CSMD3: variants seen among roughly 807,000 people sequenced by gnomAD.
The protein encoded by CSMD3 is CUB and sushi domain-containing protein 3.
Under a neutral mutation model 435.2 loss-of-function variants are expected in CSMD3, and 177 were observed. The observed-to-expected ratio is 0.41, with a 90% CI of 0.36 to 0.46. CSMD3 has a LOEUF of 0.46. Among genes scored for constraint, CSMD3 ranks in the 20% least tolerant of loss-of-function variants. CSMD3 has a pLI of 0.34. For synonymous variants in CSMD3, 1,656 were observed against 1,520.5 expected (o/e 1.09, Z -2.07); for missense variants, 4,265 against 4,504.6 (o/e 0.95, Z 1.52).
At chr8:112,267,324 T>C (rs1817043883) in intron 59 of CSMD3, among the ~76,000 whole-genome samples, 1 of 152,124 alleles carries the variant, frequency 6.6e-6, no homozygotes, top group Non-Finnish European at 1.5e-5. Flanking sequence ...TGAGTGTTTC[T>C]TTCTCAATAA....
chr8:112,883,913 C>T lies in CSMD3; in HGVS notation c.1634-24647G>A, dbSNP rs1234017206. ...AACCAATGTGGAACAAGGTTGAGCA[C>T]GAGTTTCTGAGCTGGCAATGTTTGG... is the stretch of plus-strand genomic sequence containing the variant. On this transcript the variant is annotated intron_variant, in intron 10 of 70. Coordinates refer to ENST00000297405, the MANE Select transcript of CSMD3 (RefSeq NM_198123.2). Among the ~76,000 whole-genome samples the T allele has an allele frequency of 2.6e-5, 4 of 151,760 alleles. No homozygotes were observed. The South Asian group carries it at 6.2e-4, about 24-fold the overall frequency.
At chr8:112,693,303 C>T (rs2076179259) in intron 13 of CSMD3, among the ~76,000 whole-genome samples, 1 of 152,038 alleles carries the variant, frequency 6.6e-6, no homozygotes, top group Admixed American at 6.6e-5. Context: ...GACACTATTG[C>T]TAGGTTCAGT....
chr8:113,245,574 G>T lies in CSMD3; in HGVS notation c.514+33018C>A, dbSNP rs193238361. 4.0e-4 allele frequency among the ~76,000 whole-genome samples: 61 copies of T among 151,882 alleles called. 1 individual carries two copies. The highest frequency in any genetic ancestry group is 5.2e-4 in the Non-Finnish European group (35 of 67,862). ...TTTCTGCTGTTATTGTAATATAAAT[G>T]ACCTCTTCATACATTATATGCCCAT... On this transcript the variant is annotated intron_variant, in intron 3 of 70. Coordinates refer to ENST00000297405, the MANE Select transcript of CSMD3 (RefSeq NM_198123.2).
intron 23 of CSMD3, among the ~76,000 whole-genome samples, chr8:112,577,497 A>T (rs1315122341): frequency 6.6e-6 from 1 of 151,686 alleles, no homozygotes; most frequent in Non-Finnish European, 1.5e-5. Context: ...GTTTTTGTTT[A>T]TTTAAGCATA....
At chr8:112,673,964 A>C (rs2075715690) in intron 16 of CSMD3, among the ~76,000 whole-genome samples, 1 of 152,066 alleles carries the variant, frequency 6.6e-6, no homozygotes, top group Non-Finnish European at 1.5e-5. Context: ...TTACTGCCTT[A>C]AAACACACAC....
intron 5 of CSMD3, among the ~76,000 whole-genome samples, chr8:113,039,285 T>C (rs558743503): frequency 2.0e-5 from 3 of 152,278 alleles, no homozygotes; most frequent in Admixed American, 6.5e-5. Flanking sequence ...ATATCTATGG[T>C]TAGAATCTTA....
At position 112,785,897 on chromosome 8, in the gene CSMD3, T is replaced by A. The variant is rs191395372; in HGVS notation, c.1972+14265A>T. Among the ~76,000 whole-genome samples, 185 of 152,088 alleles carry A rather than the reference T, an allele frequency of 1.2e-3. 1 individual carries two copies. Among genetic ancestry groups the A allele is most frequent in the African/African-American group, 4.1e-3 (172 of 41,514 alleles). On this transcript the variant is annotated intron_variant, in intron 13 of 70. Transcript: ENST00000297405. The stretch of plus-strand genomic sequence containing the variant: ...AATGCAATCCCTATCAAAATACCAA[T>A]GACATTCTTCACAGAAAAAGAAAAA...
At chr8:113,043,789 A>C (rs1404575050) in intron 5 of CSMD3, among the ~76,000 whole-genome samples, 1 of 152,078 alleles carries the variant, frequency 6.6e-6, no homozygotes, top group East Asian at 1.9e-4. Flanking sequence ...CCTAAAAGGA[A>C]ATCATTGTTC....
chr8:112,540,158 A>G (rs974050047), intron 27 of CSMD3, among the ~76,000 whole-genome samples: 5 of 152,040 alleles, frequency 3.3e-5, no homozygotes, highest in African/African-American at 1.2e-4. Context: ...AAGACATACA[A>G]ATGGCTACCA....
chr8:112,755,879 T>C (rs1343742318), intron 13 of CSMD3, among the ~76,000 whole-genome samples: 1 of 149,372 alleles, frequency 6.7e-6, no homozygotes, highest in Non-Finnish European at 1.5e-5. Context: ...AAAATACTTA[T>C]AAGAATAAAT....
chr8:112,263,338 G>A (rs923082188), intron 61 of CSMD3, among the ~76,000 whole-genome samples: 7 of 152,008 alleles, frequency 4.6e-5, no homozygotes, highest in Admixed American at 6.6e-5. Context: ...ATTCGGCTAA[G>A]ACAAAAAGGA....
At chr8:112,879,060 G>A (rs1293198783) in intron 10 of CSMD3, among the ~76,000 whole-genome samples, 2 of 152,092 alleles carry the variant, frequency 1.3e-5, no homozygotes, top group Non-Finnish European at 2.9e-5. Context: ...TGATGTTCAG[G>A]GAACAGGGGA....
chr8:113,401,018 T>G (rs1415607560), intron 1 of CSMD3, among the ~76,000 whole-genome samples: 1 of 151,762 alleles, frequency 6.6e-6, no homozygotes, highest in Non-Finnish European at 1.5e-5. Context: ...ATGTAACACA[T>G]TGTAAAACAG....
At chr8:112,706,193 C>T (rs917214345) in intron 13 of CSMD3, among the ~76,000 whole-genome samples, 3 of 151,898 alleles carry the variant, frequency 2.0e-5, no homozygotes, top group South Asian at 4.1e-4. Context: ...TCTGACCTTT[C>T]TTGTTCACAC....
chr8:112,621,875 T>G (rs1834098447), intron 22 of CSMD3, among the ~76,000 whole-genome samples: 1 of 152,172 alleles, frequency 6.6e-6, no homozygotes, highest in African/African-American at 2.4e-5. Flanking sequence ...AAATATGGAC[T>G]CTCTTATGAT....
chr8:113,135,449 A>G (rs1014502316), intron 4 of CSMD3, among the ~76,000 whole-genome samples: 1 of 151,810 alleles, frequency 6.6e-6, no homozygotes, highest in Non-Finnish European at 1.5e-5. Flanking sequence ...GTGCTCCTAC[A>G]TATGAGTTGA....
Position 113,072,127 on chromosome 8 carries a change from G to A in CSMD3, c.917+26629C>T, listed in dbSNP as rs115806633. On this transcript the variant is annotated intron_variant, in intron 5 of 70. Coordinates refer to ENST00000297405, the MANE Select transcript of CSMD3 (RefSeq NM_198123.2). ...TGGTTTGTTGTTTCAATATAAAAATGTAACTAATTTTTGCATGTTGATTTT... is the reference window on the plus strand; with the variant it reads ...TGGTTTGTTGTTTCAATATAAAAATATAACTAATTTTTGCATGTTGATTTT... Among the ~76,000 whole-genome samples the A allele has an allele frequency of 6.8e-3, 1,035 of 151,784 alleles. 12 individuals carry two copies. The highest frequency in any genetic ancestry group is 0.024 in the African/African-American group (994 of 41,494).
intron 3 of CSMD3, among the ~76,000 whole-genome samples, chr8:113,179,293 A>C (rs1328361468): frequency 2.6e-5 from 4 of 151,754 alleles, no homozygotes; most frequent in Non-Finnish European, 5.9e-5. Context: ...TTGCAGTTTT[A>C]TTATTATTAT....
At chr8:113,377,028 TG>T (rs963047623) in intron 1 of CSMD3, 51 of 102,134 alleles carry the variant, frequency 5.0e-4, no homozygotes, top group Non-Finnish European at 5.9e-4. Flanking sequence ...TGGGGTGGGG[TG>T]GGGGTGGGGC....
Sources: gnomAD v4.1 joint callset for allele counts (sites outside exome capture counted in the v4.1 genomes callset) on GRCh38, gnomAD v4.1.1 for gene constraint, MANE v1.5 for transcripts, NCBI Gene and HGNC (gene_info 2026-07-23, HGNC 2026-07-21) for gene names.